ARHGAP28: variants seen among roughly 807,000 people sequenced by gnomAD.
ARHGAP28 encodes rho GTPase-activating protein 28.
Under a neutral mutation model 90.7 loss-of-function variants are expected in ARHGAP28, and 56 were observed. The observed-to-expected ratio is 0.62, with a 90% CI of 0.50 to 0.77. The LOEUF (loss-of-function observed/expected upper bound fraction) is 0.77, where lower values mean the gene tolerates loss of function less well. Ranked by LOEUF, ARHGAP28 falls within the 30% of genes least tolerant of loss-of-function variation. The pLI is 0.00. For missense variants in ARHGAP28, 869 were observed against 900.9 expected (o/e 0.96, Z 0.45); for synonymous variants, 308 against 323.3 (o/e 0.95, Z 0.51).
At chr18:6,841,193 CTCTCTCTCTCCTCTCCTCT>C (rs1476685456) in intron 3 of ARHGAP28, among the ~76,000 whole-genome samples, 8 of 61,300 alleles carry the variant, frequency 1.3e-4, no homozygotes, top group African/African-American at 6.6e-4. Flanking sequence ...CTCTCTCTCT[CTCTCTCTCTCCTCTCCTCT>C]CTCTCTCTCT....
chr18:6,751,706 A>G (rs2056071165), intron 1 of ARHGAP28, among the ~76,000 whole-genome samples: 1 of 152,206 alleles, frequency 6.6e-6, no homozygotes, highest in Non-Finnish European at 1.5e-5. Context: ...CCTAGAGTGA[A>G]CTGCCAGCCC....
intron 1 of ARHGAP28, among the ~76,000 whole-genome samples, chr18:6,824,509 C>A (rs1378634586): frequency 6.6e-6 from 1 of 151,990 alleles, no homozygotes. Flanking sequence ...CATACTCCAG[C>A]CTGGGCAACA....
At chr18:6,889,594 A>AC (rs1208220163) in intron 12 of ARHGAP28, among the ~76,000 whole-genome samples, 10 of 152,204 alleles carry the variant, frequency 6.6e-5, no homozygotes, top group African/African-American at 2.4e-4. Context: ...TAATTTTAAC[A>AC]TTTGTCAGAC....
intron 2 of ARHGAP28, 147 bp downstream of exon 2, chr18:6,825,111 T>C (rs565906230): frequency 7.3e-6 from 6 of 820,466 alleles, no homozygotes; most frequent in South Asian, 6.0e-5. Context: ...CTCCCACTGA[T>C]TGATTTATAT....
At chr18:6,799,316 G>A (rs1397691933) in intron 1 of ARHGAP28, among the ~76,000 whole-genome samples, 1 of 144,842 alleles carries the variant, frequency 6.9e-6, no homozygotes. Context: ...ACTACCCAAA[G>A]TAATTTGTAG....
chr18:6,889,370 A>G (rs1387429938), intron 12 of ARHGAP28, among the ~76,000 whole-genome samples: 1 of 152,054 alleles, frequency 6.6e-6, no homozygotes, highest in African/African-American at 2.4e-5. Flanking sequence ...CAAAAATTCA[A>G]TTTTTTTATT....
intron 2 of ARHGAP28, among the ~76,000 whole-genome samples, chr18:6,831,193 C>CT: frequency 6.6e-6 from 1 of 152,200 alleles, no homozygotes; most frequent in East Asian, 1.9e-4. Context: ...TGATGTTGAA[C>CT]TTTTTTCTTG....
intron 1 of ARHGAP28, among the ~76,000 whole-genome samples, chr18:6,795,670 C>T (rs1367676630): frequency 6.6e-6 from 1 of 152,140 alleles, no homozygotes; most frequent in Non-Finnish European, 1.5e-5. Flanking sequence ...TATGTTAGCC[C>T]GCAGCAGAAA....
intron 16 of ARHGAP28, among the ~76,000 whole-genome samples, chr18:6,901,406 A>G (rs1246248004): frequency 6.6e-6 from 1 of 152,118 alleles, no homozygotes; most frequent in African/African-American, 2.4e-5. Flanking sequence ...CCTTCCAAAA[A>G]ATAGTGTGTA....
intron 1 of ARHGAP28, among the ~76,000 whole-genome samples, chr18:6,823,833 T>A (rs932559173): frequency 1.3e-5 from 2 of 152,136 alleles, no homozygotes; most frequent in Non-Finnish European, 2.9e-5. Context: ...CTGAAACTTC[T>A]GCCTTCCAGG....
At chr18:6,858,911 A>G (rs1162802317) in intron 4 of ARHGAP28, among the ~76,000 whole-genome samples, 1 of 152,148 alleles carries the variant, frequency 6.6e-6, no homozygotes, top group South Asian at 2.1e-4. Context: ...AAAATAATGT[A>G]TAGTATCTCT....
intron 1 of ARHGAP28, among the ~76,000 whole-genome samples, chr18:6,759,766 G>A (rs1186741459): frequency 6.6e-6 from 1 of 151,786 alleles, no homozygotes; most frequent in Non-Finnish European, 1.5e-5. Flanking sequence ...ATGCCCAGCT[G>A]CAGAGTTCCC....
At chr18:6,842,900 C>G (rs530480271) in intron 3 of ARHGAP28, among the ~76,000 whole-genome samples, 1 of 151,978 alleles carries the variant, frequency 6.6e-6, no homozygotes, top group Non-Finnish European at 1.5e-5. Context: ...TAAAAAATAA[C>G]ATTTGACATG....
chr18:6,774,668 T>A (rs548014500), intron 1 of ARHGAP28, among the ~76,000 whole-genome samples: 23 of 152,330 alleles, frequency 1.5e-4, no homozygotes, highest in African/African-American at 4.6e-4. Context: ...TAGATAGAGT[T>A]CATTAGCCAA....
At chr18:6,827,305 C>T (rs1341149296) in intron 2 of ARHGAP28, among the ~76,000 whole-genome samples, 2 of 150,122 alleles carry the variant, frequency 1.3e-5, no homozygotes, top group African/African-American at 2.4e-5. Context: ...GGGCGGCTGG[C>T]CGGGCGGGGG....
intron 4 of ARHGAP28, among the ~76,000 whole-genome samples, chr18:6,852,041 T>G (rs1000055795): frequency 6.6e-5 from 10 of 152,376 alleles, no homozygotes; most frequent in African/African-American, 2.4e-4. Flanking sequence ...TTATACTTTA[T>G]GTACAGTTAA....
chr18:6,890,918 AT>A (rs1305959637), intron 14 of ARHGAP28, among the ~76,000 whole-genome samples: 1 of 152,214 alleles, frequency 6.6e-6, no homozygotes, highest in South Asian at 2.1e-4. Flanking sequence ...TTCTTCATTG[AT>A]TGGTTAGTAA....
intron 5 of ARHGAP28, among the ~76,000 whole-genome samples, chr18:6,863,259 G>C (rs1024761956): frequency 1.7e-4 from 26 of 151,808 alleles, no homozygotes; most frequent in African/African-American, 6.0e-4. Flanking sequence ...CTAAGATTCT[G>C]AGCTTTATAA....
intron 1 of ARHGAP28, among the ~76,000 whole-genome samples, chr18:6,751,039 G>T (rs1315567534): frequency 6.6e-6 from 1 of 152,050 alleles, no homozygotes; most frequent in African/African-American, 2.4e-5. Flanking sequence ...GCACTGGACT[G>T]CAGCCTCCCT....
Sources: allele counts gnomAD v4.1 joint callset (sites outside exome capture counted in the v4.1 genomes callset), GRCh38; gene constraint gnomAD v4.1.1; transcripts MANE v1.5; gene names NCBI Gene and HGNC (gene_info 2026-07-23, HGNC 2026-07-21).